FHIP2A: variants seen among roughly 807,000 people sequenced by gnomAD.
FHIP2A encodes the protein FHF complex subunit HOOK interacting protein 2A.
In FHIP2A, 46 loss-of-function variants were observed where a neutral mutation model predicts 93.5. The ratio of observed to expected loss-of-function variants is 0.49; its 90% CI spans 0.39 to 0.63. FHIP2A has a LOEUF of 0.63. FHIP2A is among the 20% of genes least tolerant of loss of function. The pLI is 0.00. For synonymous variants in FHIP2A, 332 were observed against 326.5 expected (o/e 1.02, Z -0.18); for missense variants, 769 against 909.7 (o/e 0.85, Z 1.99).
chr10:114,846,382 G>A lies in FHIP2A; in HGVS notation c.1398+15G>A. ...TATCTGATGAGGTAAGCTACGTAAT[G>A]ATTTAGAATTGGACTTAGATTCTTT... On this transcript the variant is annotated intron_variant, in intron 10 of 16. Coordinates refer to ENST00000369248, the MANE Select transcript of FHIP2A (RefSeq NM_020940.4). 3.7e-6 allele frequency: 6 copies of A among 1,603,290 alleles called. No homozygotes were observed. Among genetic ancestry groups the A allele is most frequent in the Non-Finnish European group, 5.1e-6 (6 of 1,172,440 alleles).
Position 114,862,820 on chromosome 10 carries a change from T to C in FHIP2A, c.*1280T>C. Reference sequence around the variant, plus strand: ...GCCGCAGCACTTTCTTCTTCATCTTTCCATTTACTGATATTTGGGGGAACA... The same window carrying C: ...GCCGCAGCACTTTCTTCTTCATCTTCCCATTTACTGATATTTGGGGGAACA... On this transcript the variant is annotated 3_prime_UTR_variant, in exon 17 of 17. Transcript: ENST00000369248. 1.0e-6 allele frequency: 1 copy of C among 985,476 alleles called. No homozygotes were observed. The highest frequency in any genetic ancestry group is 1.2e-6 in the Non-Finnish European group (1 of 829,934). 61.0% of individuals were successfully genotyped at this position (985,476 alleles called of 1,614,324 possible).
chr10:114,864,760 C>T, downstream of FHIP2A: 4 of 935,330 alleles, frequency 4.3e-6, no homozygotes, highest in Non-Finnish European at 5.1e-6. Context: ...ACATTTTATC[C>T]AATGATAAAT....
intron 12 of FHIP2A, among the ~76,000 whole-genome samples, chr10:114,848,068 G>A (rs556983383): frequency 4.0e-4 from 61 of 152,310 alleles, no homozygotes; most frequent in African/African-American, 1.4e-3. Context: ...TGTGCTAAGT[G>A]TTGGGCTATT....
At position 114,863,563 on chromosome 10, in the gene FHIP2A, C is replaced by A; in HGVS notation, c.*2023C>A. Reference sequence around the variant, plus strand: ...TAATTTTTCTAAGTTGTTGTAATGACTTTAATTTGTAATCAGCTAAGGCTT... The same window carrying A: ...TAATTTTTCTAAGTTGTTGTAATGAATTTAATTTGTAATCAGCTAAGGCTT... On this transcript the variant is annotated 3_prime_UTR_variant, in exon 17 of 17. Coordinates refer to ENST00000369248, the MANE Select transcript of FHIP2A (RefSeq NM_020940.4). The A allele has an allele frequency of 8.3e-7, 1 of 1,210,272 alleles. No individual in the cohort carries two copies. The highest frequency in any genetic ancestry group is 1.0e-6 in the Non-Finnish European group (1 of 954,472). The allele number at this position is 1,210,272 out of a possible 1,614,324, so 75.0% of individuals were successfully genotyped here. A position where few individuals can be genotyped will look rare whatever the true frequency, so the allele number is the denominator to read the frequency against.
chr10:114,879,877 T>G (rs1467826054), intron 16 of FHIP2A, among the ~76,000 whole-genome samples: 4 of 152,194 alleles, frequency 2.6e-5, no homozygotes, highest in Non-Finnish European at 5.9e-5. Context: ...CCAGGCTGAC[T>G]TGAGCTCCGA....
chr10:114,832,605 T>C (rs1164116353), intron 2 of FHIP2A, among the ~76,000 whole-genome samples: 1 of 152,182 alleles, frequency 6.6e-6, no homozygotes, highest in African/African-American at 2.4e-5. Context: ...ACATTTTTGA[T>C]GTGACATGTA....
intron 5 of FHIP2A, among the ~76,000 whole-genome samples, chr10:114,839,253 A>C (rs1242807380): frequency 1.3e-5 from 2 of 151,930 alleles, no homozygotes. Context: ...CAGCCTCCCA[A>C]GTAGCTGGGA....
At position 114,835,554 on chromosome 10, in the gene FHIP2A, A is replaced by G; in HGVS notation, c.312A>G (p.Lys104=). The change falls in exon 4 of 17, where the codon AAA becomes AAG. Residue 104 remains lysine, a synonymous_variant. Transcript: ENST00000369248. ...ATACCCAGTGTCCTCCGGGAATGAA[A>G]CAGCAGGTTTTGGTTTTCTATACGA... ...LGKADCPPGM[K]QQVLVFYTKL... The G allele has an allele frequency of 6.2e-7, 1 of 1,612,226 alleles. No individual in the cohort carries two copies. The highest frequency in any genetic ancestry group is 8.5e-7 in the Non-Finnish European group (1 of 1,178,508).
At chr10:114,859,179 A>G (rs534188485) in intron 14 of FHIP2A, among the ~76,000 whole-genome samples, 10 of 152,332 alleles carry the variant, frequency 6.6e-5, no homozygotes, top group Non-Finnish European at 1.3e-4. Context: ...AAAAAAATCC[A>G]TGTTCATGAA....
At chr10:114,869,446 T>A (rs1192474220), downstream of FHIP2A, among the ~76,000 whole-genome samples, 1 of 152,246 alleles carries the variant, frequency 6.6e-6, no homozygotes, top group Non-Finnish European at 1.5e-5. Flanking sequence ...TGTCCTGTGA[T>A]CTTTATTTCC....
In FHIP2A at chr10:114,861,624, G is replaced by A; in HGVS notation, c.*84G>A. On this transcript the variant is annotated 3_prime_UTR_variant, in exon 17 of 17. Coordinates refer to ENST00000369248, the MANE Select transcript of FHIP2A (RefSeq NM_020940.4). ...ACTCAGTTCCACCCAGCCACAAGAG[G>A]ATAAAAAGCCTTTTTAAACGCAGTA... 1.3e-6 allele frequency: 2 copies of A among 1,526,796 alleles called. No homozygotes were observed. Among genetic ancestry groups the A allele is most frequent in the African/African-American group, 1.4e-5 (1 of 72,234 alleles). 94.6% of individuals were successfully genotyped at this position (1,526,796 alleles called of 1,614,324 possible). A position where few individuals can be genotyped will look rare whatever the true frequency, so the allele number is the denominator to read the frequency against.
chr10:114,857,214 A>G (rs935935499), intron 14 of FHIP2A, among the ~76,000 whole-genome samples: 22 of 152,130 alleles, frequency 1.4e-4, no homozygotes, highest in African/African-American at 5.3e-4. Flanking sequence ...TAGAAAGCTA[A>G]GCATTTTTGG....
chr10:114,887,757 A>G (rs1036167351), intron 16 of FHIP2A, among the ~76,000 whole-genome samples: 1 of 152,238 alleles, frequency 6.6e-6, no homozygotes, highest in Non-Finnish European at 1.5e-5. Context: ...TACATATACA[A>G]GGCATTGTAC....
chr10:114,837,760 C>T (rs1394512346), intron 5 of FHIP2A, among the ~76,000 whole-genome samples: 2 of 152,176 alleles, frequency 1.3e-5, no homozygotes, highest in Admixed American at 1.3e-4. Context: ...ATAGTTTTCT[C>T]TTTCCCAAAA....
intron 1 of FHIP2A, among the ~76,000 whole-genome samples, chr10:114,826,792 G>A (rs1050627959): frequency 3.9e-5 from 6 of 152,132 alleles, no homozygotes; most frequent in Non-Finnish European, 5.9e-5. Flanking sequence ...TCAGGAGTTC[G>A]AGACCAGCCT....
At chr10:114,851,758 C>T (rs893449865) in intron 13 of FHIP2A, among the ~76,000 whole-genome samples, 6 of 129,898 alleles carry the variant, frequency 4.6e-5, no homozygotes, top group African/African-American at 1.7e-4. Flanking sequence ...TTTTGTAAGG[C>T]TTACATTGAA....
chr10:114,876,980 A>G (rs2083892702), intron 16 of FHIP2A, among the ~76,000 whole-genome samples: 1 of 116,804 alleles, frequency 8.6e-6, no homozygotes, highest in Admixed American at 8.6e-5. Context: ...AGTTGTGCTC[A>G]GCCTTCCCAG....
At chr10:114,858,005 T>C (rs2083777035) in intron 14 of FHIP2A, among the ~76,000 whole-genome samples, 1 of 152,250 alleles carries the variant, frequency 6.6e-6, no homozygotes, top group Non-Finnish European at 1.5e-5. Context: ...TTGTCACATT[T>C]TCTAATTGTT....
chr10:114,855,388 C>T lies in FHIP2A; in HGVS notation c.1947+48C>T, dbSNP rs369876795. On this transcript the variant is annotated intron_variant, in intron 14 of 16. Transcript: ENST00000369248. ...TTTTCATATTTTTTTTTGCCATTCACCACAGAATCATCTCAAGTCTTAGTA... is the reference window on the plus strand; with the variant it reads ...TTTTCATATTTTTTTTTGCCATTCATCACAGAATCATCTCAAGTCTTAGTA... 5 of 1,486,154 alleles carry T rather than the reference C, an allele frequency of 3.4e-6. No homozygotes were observed. In the African/African-American group the frequency reaches 4.2e-5, roughly 12 times the overall value. 92.1% of individuals were successfully genotyped at this position (1,486,154 alleles called of 1,614,324 possible).
Sources: gnomAD v4.1 joint callset for allele counts (sites outside exome capture counted in the v4.1 genomes callset) on GRCh38, gnomAD v4.1.1 for gene constraint, MANE v1.5 for transcripts, NCBI Gene and HGNC (gene_info 2026-07-23, HGNC 2026-07-21) for gene names.